Variants in DCAF1 observed in about 807,000 individuals in gnomAD.
DCAF1 encodes DDB1 and CUL4 associated factor 1.
Under a neutral mutation model 128.0 loss-of-function variants are expected in DCAF1, and 15 were observed. The ratio of observed to expected loss-of-function variants is 0.12; its 90% CI spans 0.08 to 0.18. The LOEUF is 0.18. Among genes scored for constraint, DCAF1 ranks in the 10% least tolerant of loss-of-function variants. The probability of loss-of-function intolerance (pLI) is 1.00; values close to 1 mark genes in which losing one functional copy is unlikely to be tolerated. For synonymous variants in DCAF1, 610 were observed against 603.0 expected (o/e 1.01, Z -0.17); for missense variants, 988 against 1,649.5 (o/e 0.60, Z 6.95).
rs1406886556 is a variant in DCAF1 at position 51,496,791 on chromosome 3, G to C, written c.-55-11C>G. Among the ~76,000 whole-genome samples the C allele has an allele frequency of 6.6e-6, 1 of 152,092 alleles. No individual in the cohort carries two copies. Among genetic ancestry groups the C allele is most frequent in the Non-Finnish European group, 1.5e-5 (1 of 68,026 alleles). The stretch of plus-strand genomic sequence containing the variant: ...TCTCAATTTCCTTATCTGCAAGATG[G>C]AAACAGTTGTTGTGCGGGGTTAAAT... On this transcript the variant is annotated splice_polypyrimidine_tract_variant and intron_variant, in intron 1 of 24. Transcript: ENST00000684031.
At chr3:51,448,893 A>G (rs1553640871) in intron 6 of DCAF1, among the ~76,000 whole-genome samples, 1 of 152,132 alleles carries the variant, frequency 6.6e-6, no homozygotes, top group Non-Finnish European at 1.5e-5. Context: ...AAGTACACAT[A>G]GAACTTTTTC....
intron 2 of DCAF1, among the ~76,000 whole-genome samples, chr3:51,485,915 CAG>C (rs1553655242): frequency 7.2e-6 from 1 of 138,794 alleles, no homozygotes; most frequent in East Asian, 2.1e-4. Flanking sequence ...TTTTTTGAGG[CAG>C]AGTTTTGCTT....
chr3:51,412,109 TAAAAAAAA>T (rs782087400), intron 23 of DCAF1, among the ~76,000 whole-genome samples: 10 of 29,460 alleles, frequency 3.4e-4, no homozygotes, highest in African/African-American at 1.1e-3. Context: ...AACTCCATTC[TAAAAAAAA>T]AAAAAAAAAA....
At chr3:51,450,506 C>T (rs1553641254) in intron 6 of DCAF1, among the ~76,000 whole-genome samples, 2 of 152,142 alleles carry the variant, frequency 1.3e-5, no homozygotes, top group African/African-American at 4.8e-5. Context: ...GTTGACAAGT[C>T]AATACCCTGT....
At chr3:51,452,554 T>C (rs4687813) in intron 6 of DCAF1, among the ~76,000 whole-genome samples, 17,164 of 152,076 alleles carry the variant, frequency 0.11, 1,931 homozygotes, top group East Asian at 0.33. Context: ...AACGATAAAA[T>C]TGTTCTTGCA....
At chr3:51,460,229 G>A (rs1703393764) in intron 6 of DCAF1, among the ~76,000 whole-genome samples, 1 of 152,092 alleles carries the variant, frequency 6.6e-6, no homozygotes, top group South Asian at 2.1e-4. Context: ...CAAAATCAAT[G>A]TACAAAAATC....
chr3:51,497,630 G>A (rs1224263075), intron 1 of DCAF1, among the ~76,000 whole-genome samples: 1 of 152,008 alleles, frequency 6.6e-6, no homozygotes, highest in African/African-American at 2.4e-5. Flanking sequence ...CAGGCACAGT[G>A]GCTCAAGCCT....
At chr3:51,488,801 T>C (rs1212625289) in intron 2 of DCAF1, among the ~76,000 whole-genome samples, 5 of 150,414 alleles carry the variant, frequency 3.3e-5, no homozygotes, top group Admixed American at 1.3e-4. Context: ...AAACTCCGTC[T>C]ACAAAAAAAA....
At position 51,435,711 on chromosome 3, in the gene DCAF1, C is replaced by CAA. The variant is rs879994512; in HGVS notation, c.1129-2449_1129-2448dup. 5.7e-3 allele frequency among the ~76,000 whole-genome samples: 808 copies of CAA among 140,636 alleles called. 6 individuals are homozygous for CAA. The highest frequency in any genetic ancestry group is 0.029 in the South Asian group (128 of 4,430). 92.3% of individuals were successfully genotyped at this position (140,636 alleles called of 152,430 possible). ...GGGTAACAAGAGCGAAACTCTGTCT[C>CAA]AAAAAAAAAAAAAAAATTATAGGTT... On this transcript the variant is annotated intron_variant, in intron 9 of 24. Coordinates refer to ENST00000684031, the MANE Select transcript of DCAF1 (RefSeq NM_001387579.1).
chr3:51,408,283 G>A (rs1698085822), intron 23 of DCAF1, among the ~76,000 whole-genome samples: 1 of 152,170 alleles, frequency 6.6e-6, no homozygotes, highest in African/African-American at 2.4e-5. Context: ...AGCTCTTTAT[G>A]CTGGACCATT....
chr3:51,465,485 C>G lies in DCAF1; in HGVS notation c.261+1318G>C, dbSNP rs191060619. Reference sequence around the variant, plus strand: ...CTGGCTGGGTGCAGTGGCTCATGCCCGTAAACCCAGTACTTTGGGAGGCCG... The same window carrying G: ...CTGGCTGGGTGCAGTGGCTCATGCCGGTAAACCCAGTACTTTGGGAGGCCG... On this transcript the variant is annotated intron_variant, in intron 5 of 24. Coordinates refer to ENST00000684031, the MANE Select transcript of DCAF1 (RefSeq NM_001387579.1). Among the ~76,000 whole-genome samples the G allele has an allele frequency of 3.4e-3, 521 of 151,780 alleles. 2 individuals are homozygous for G. Among genetic ancestry groups the G allele is most frequent in the Non-Finnish European group, 3.3e-3 (225 of 67,898 alleles).
Position 51,427,539 on chromosome 3 carries a change from T to A in DCAF1, c.1680A>T (p.Ala560=). Residue 560 remains alanine (A), a splice_region_variant and synonymous_variant, in exon 13 of 25, where the codon GCA becomes GCT. Coordinates refer to ENST00000684031, the MANE Select transcript of DCAF1 (RefSeq NM_001387579.1). ...ILVHPQPPYK[A]CSYTHEQIVE... ...CAATCTGTTCATGAGTATATGAGCA[T>A]GCCTATAAGGAGAGATATATAGTAT... is the stretch of plus-strand genomic sequence containing the variant. 1.4e-6 allele frequency: 1 copy of A among 725,600 alleles called. No homozygotes were observed. Among genetic ancestry groups the A allele is most frequent in the Non-Finnish European group, 2.6e-6 (1 of 391,856 alleles). The allele number at this position is 725,600 out of a possible 1,614,324, so 44.9% of individuals were successfully genotyped here.
rs1196503406 is a variant in DCAF1 at position 51,461,625 on chromosome 3, C to A, written c.375+1489G>T. ...GACACATTCACACGTATGTTTATTG[C>A]GGCACTATTCACAATAGCAAAGACT... On this transcript the variant is annotated intron_variant, in intron 6 of 24. Transcript: ENST00000684031. Among the ~76,000 whole-genome samples, 4 of 152,072 alleles carry A rather than the reference C, an allele frequency of 2.6e-5. No individual in the cohort carries two copies. The East Asian group carries it at 7.7e-4, about 29-fold the overall frequency.
intron 6 of DCAF1, among the ~76,000 whole-genome samples, chr3:51,444,515 T>C (rs1459845154): frequency 6.6e-6 from 1 of 152,094 alleles, no homozygotes; most frequent in Non-Finnish European, 1.5e-5. Context: ...CACAGCCAGC[T>C]AATTTTTGTA....
chr3:51,491,704 G>C (rs782737647), intron 2 of DCAF1, among the ~76,000 whole-genome samples: 3 of 151,306 alleles, frequency 2.0e-5, no homozygotes, highest in Non-Finnish European at 4.4e-5. Flanking sequence ...AAATTAGCCA[G>C]GCATGGTGGC....
At chr3:51,406,223 G>GTCCCAGC (rs1261032433) in intron 23 of DCAF1, among the ~76,000 whole-genome samples, 1 of 151,332 alleles carries the variant, frequency 6.6e-6, no homozygotes, top group Admixed American at 6.6e-5. Context: ...GGCACCTGTA[G>GTCCCAGC]TCCCAGCTAC....
At chr3:51,494,541 C>T (rs1233001273) in intron 2 of DCAF1, among the ~76,000 whole-genome samples, 3 of 152,028 alleles carry the variant, frequency 2.0e-5, no homozygotes, top group African/African-American at 7.2e-5. Context: ...TTTTATGCTA[C>T]GTAAATTTAC....
chr3:51,500,410 G>C (rs1198915647), upstream of DCAF1, among the ~76,000 whole-genome samples: 3 of 152,160 alleles, frequency 2.0e-5, no homozygotes, highest in Non-Finnish European at 4.4e-5. Context: ...TGTGCGCAAA[G>C]AGCCTCTGTT....
chr3:51,417,595 C>T (rs1453351457), intron 17 of DCAF1, among the ~76,000 whole-genome samples: 2 of 152,102 alleles, frequency 1.3e-5, no homozygotes, highest in African/African-American at 2.4e-5. Flanking sequence ...TGGCGGGCGC[C>T]TCTAGTCCCA....
Sources: allele counts gnomAD v4.1 joint callset (sites outside exome capture counted in the v4.1 genomes callset), GRCh38; gene constraint gnomAD v4.1.1; transcripts MANE v1.5; gene names NCBI Gene and HGNC (gene_info 2026-07-23, HGNC 2026-07-21).